ITSN2: variants seen among roughly 807,000 people sequenced by gnomAD.
ITSN2 encodes the protein intersectin-2.
Under a neutral mutation model 243.7 loss-of-function variants are expected in ITSN2, and 156 were observed. The ratio of observed to expected loss-of-function variants is 0.64; its 90% confidence interval spans 0.56 to 0.73. The LOEUF is 0.73. ITSN2 is among the 30% of genes least tolerant of loss of function. ITSN2 has a pLI of 0.00. For synonymous variants in ITSN2, 703 were observed against 699.9 expected, an observed-to-expected ratio of 1.00 and a Z score of -0.07; for missense variants, 1,801 against 1,996.1, an observed-to-expected ratio of 0.90 and a Z score of 1.86.
At position 24,258,018 on chromosome 2, in the gene ITSN2, A is replaced by C. The variant is rs781029012; in HGVS notation, c.2758T>G (p.Ser920Ala). The C allele has an allele frequency of 1.2e-6, 2 of 1,614,124 alleles. No individual in the cohort carries two copies. Among genetic ancestry groups the C allele is most frequent in the Non-Finnish European group, 8.5e-7 (1 of 1,179,974 alleles). Residue 920 changes from serine (S) to alanine (A), a missense_variant, in exon 23 of 40, where the codon TCA becomes GCA. Transcript: ENST00000355123. ...AAGACAGTAATAATGTCATGTTTTG[A>C]GAAGTTCAAGTGGTTATCTTTCTTT... The part of the protein sequence containing the change: ...TAKKDNHLNF[S>A]KHDIITVLEQ...
At chr2:24,236,257 C>G (rs1284999121) in intron 29 of ITSN2, among the ~76,000 whole-genome samples, 1 of 152,152 alleles carries the variant, frequency 6.6e-6, no homozygotes, top group East Asian at 1.9e-4. Flanking sequence ...AAATGCTACA[C>G]ATTTTATGAT....
chr2:24,326,002 G>A (rs1362762425), intron 2 of ITSN2, among the ~76,000 whole-genome samples: 1 of 151,854 alleles, frequency 6.6e-6, no homozygotes, highest in African/African-American at 2.4e-5. Context: ...AATAGCAATG[G>A]GCATCAAAAC....
intron 1 of ITSN2, among the ~76,000 whole-genome samples, chr2:24,342,411 C>T (rs1446464992): frequency 6.6e-6 from 1 of 151,266 alleles, no homozygotes; most frequent in Non-Finnish European, 1.5e-5. Context: ...GTTGCCCAGG[C>T]TGGTCTCAAA....
intron 1 of ITSN2, among the ~76,000 whole-genome samples, chr2:24,340,754 AC>A (rs1558655948): frequency 1.1e-4 from 17 of 151,072 alleles, no homozygotes; most frequent in African/African-American, 3.4e-4. Context: ...GAAAAAAAAC[AC>A]ACACACACAC....
At chr2:24,271,132 A>T (rs1010175894) in intron 19 of ITSN2, among the ~76,000 whole-genome samples, 1 of 152,100 alleles carries the variant, frequency 6.6e-6, no homozygotes, top group Non-Finnish European at 1.5e-5. Flanking sequence ...TATAACAGGG[A>T]AGTAAAGGAC....
rs35381391 is a variant in ITSN2, at chr2:24,236,673, C to CTT, written c.3577+9454_3577+9455dup. On this transcript the variant is annotated intron_variant, in intron 29 of 39. Coordinates refer to ENST00000355123, the MANE Select transcript of ITSN2 (RefSeq NM_006277.3). ...TCTGATTTTTCCTGTGTTTTTTTTT[C>CTT]TTTTTTTTTTTTTGGACATAGGGTC... is the stretch of plus-strand genomic sequence containing the variant. 5.4e-3 allele frequency among the ~76,000 whole-genome samples: 746 copies of CTT among 137,650 alleles called. 11 individuals are homozygous for CTT. The highest frequency in any genetic ancestry group is 7.4e-3 in the Middle Eastern group (2 of 272). The allele number at this position is 137,650 out of a possible 152,430, so 90.3% of individuals were successfully genotyped here.
At chr2:24,209,720 G>A in intron 35 of ITSN2, 98 bp downstream of exon 35, 1 of 914,782 alleles carries the variant, frequency 1.1e-6, no homozygotes, top group Admixed American at 2.0e-5. Context: ...GGTGAGGAGG[G>A]TCCCGTAAGG....
chr2:24,210,316 G>A (rs1207969274), intron 34 of ITSN2: 1 of 407,880 alleles, frequency 2.5e-6, no homozygotes, highest in African/African-American at 2.0e-5. Context: ...TAGGAGAAAG[G>A]AAGATGACAA....
At chr2:24,270,648 T>TA (rs752892600) in intron 20 of ITSN2, 23 bp downstream of exon 20, 3,414 of 1,120,312 alleles carry the variant, frequency 3.0e-3, no homozygotes, top group East Asian at 5.7e-3. Flanking sequence ...TATTCATGAT[T>TA]AAAAAAAAAA....
chr2:24,254,585 CACA>C (rs1415964442), intron 23 of ITSN2, among the ~76,000 whole-genome samples, 154 bp from the exon 24 acceptor site: 3 of 152,142 alleles, frequency 2.0e-5, no homozygotes, highest in Non-Finnish European at 2.9e-5. Flanking sequence ...AAGACTTATA[CACA>C]ACATCCTGCA....
intron 1 of ITSN2, among the ~76,000 whole-genome samples, chr2:24,350,843 G>A (rs1687954735): frequency 6.6e-6 from 1 of 152,110 alleles, no homozygotes; most frequent in Non-Finnish European, 1.5e-5. Flanking sequence ...TAGAGCTAGC[G>A]GTGTTGAGGG....
intron 15 of ITSN2, among the ~76,000 whole-genome samples, chr2:24,289,185 T>G (rs1012036488): frequency 1.2e-4 from 19 of 152,356 alleles, no homozygotes; most frequent in South Asian, 2.1e-4. Flanking sequence ...TTGTGTTGAA[T>G]CTGTATATTG....
chr2:24,348,203 T>A lies in ITSN2; in HGVS notation c.-34+12101A>T, dbSNP rs912789561. On this transcript the variant is annotated intron_variant, in intron 1 of 39. Coordinates refer to ENST00000355123, the MANE Select transcript of ITSN2 (RefSeq NM_006277.3). ...TCAAATACTATGATTTTTTTTTTTTTTTTTTTTTTTGCCCAAGCTGGAGTG... is the reference window on the plus strand; with the variant it reads ...TCAAATACTATGATTTTTTTTTTTTATTTTTTTTTTGCCCAAGCTGGAGTG... 1.9e-4 allele frequency among the ~76,000 whole-genome samples: 29 copies of A among 149,502 alleles called. No homozygotes were observed. In the East Asian group the frequency reaches 5.7e-3, roughly 29 times the overall value.
At chr2:24,240,782 T>C (rs1279850799) in intron 29 of ITSN2, 3 of 152,282 alleles carry the variant, frequency 2.0e-5, no homozygotes, top group Admixed American at 1.3e-4. Context: ...AACAGTAGAT[T>C]GCACTGCAGT....
intron 32 of ITSN2, among the ~76,000 whole-genome samples, chr2:24,215,495 C>T (rs1317481697): frequency 4.6e-5 from 7 of 152,006 alleles, no homozygotes; most frequent in Admixed American, 1.3e-4. Flanking sequence ...GGTGAAACCC[C>T]GTCTCTACTA....
At chr2:24,258,610 C>T (rs1353747223) in intron 22 of ITSN2, among the ~76,000 whole-genome samples, 1 of 152,068 alleles carries the variant, frequency 6.6e-6, no homozygotes, top group Non-Finnish European at 1.5e-5. Flanking sequence ...AGGCTAAACT[C>T]TTCACTTATT....
At chr2:24,338,337 C>T (rs921257260) in intron 1 of ITSN2, among the ~76,000 whole-genome samples, 1 of 152,084 alleles carries the variant, frequency 6.6e-6, no homozygotes, top group Non-Finnish European at 1.5e-5. Flanking sequence ...TCGAGTTGTC[C>T]CACCTTTCTG....
chr2:24,215,241 T>C (rs897732424), intron 32 of ITSN2, among the ~76,000 whole-genome samples: 1 of 152,260 alleles, frequency 6.6e-6, no homozygotes, highest in Non-Finnish European at 1.5e-5. Context: ...ATTTACAGGA[T>C]CACAGATATG....
chr2:24,335,015 A>G (rs1686201398), intron 1 of ITSN2: 1 of 234,844 alleles, frequency 4.3e-6, no homozygotes. Context: ...GTGAGCCGAG[A>G]TCGCGCCACT....
Sources: gnomAD v4.1 joint callset for allele counts (sites outside exome capture counted in the v4.1 genomes callset) on GRCh38, gnomAD v4.1.1 for gene constraint, MANE v1.5 for transcripts, NCBI Gene and HGNC (gene_info 2026-07-23, HGNC 2026-07-21) for gene names.